CYFIP2: variants seen among roughly 807,000 people sequenced by gnomAD.
CYFIP2 encodes the protein cytoplasmic FMR1-interacting protein 2.
CYFIP2 carries 29 observed loss-of-function variants against 158.7 expected under a neutral mutation model. The observed-to-expected ratio is 0.18, with a 90% confidence interval of 0.14 to 0.25. The LOEUF is 0.25. Among genes scored for constraint, CYFIP2 ranks in the 10% least tolerant of loss-of-function variants. The pLI is 1.00. For synonymous variants in CYFIP2, 585 were observed against 617.6 expected, an observed-to-expected ratio of 0.95 and a Z score of 0.78; for missense variants, 852 against 1,639.5, an observed-to-expected ratio of 0.52 and a Z score of 8.29.
Position 157,394,239 on chromosome 5 carries a change from C to T in CYFIP2, c.*1239C>T, listed in dbSNP as rs1188016526. 5.3e-5 allele frequency: 8 copies of T among 152,158 alleles called. No homozygotes were observed. Among genetic ancestry groups the T allele is most frequent in the African/African-American group, 1.7e-4 (7 of 41,430 alleles). The allele number at this position is 152,158 out of a possible 1,614,324, so 9.4% of individuals were successfully genotyped here. Reference sequence around the variant, plus strand: ...CAAAAGTCTTCTGCAGAATCTCCCACCGAGTGTGGTAAGAAGGAAGGACAA... The same window carrying T: ...CAAAAGTCTTCTGCAGAATCTCCCATCGAGTGTGGTAAGAAGGAAGGACAA... On this transcript the variant is annotated 3_prime_UTR_variant, in exon 31 of 31. Coordinates refer to ENST00000620254, the MANE Select transcript of CYFIP2 (RefSeq NM_001037333.3).
chr5:157,276,367 C>T (rs558312041), intron 1 of CYFIP2, among the ~76,000 whole-genome samples: 1 of 152,162 alleles, frequency 6.6e-6, no homozygotes, highest in South Asian at 2.1e-4. Context: ...AATGCTTTTT[C>T]TGTGTGTATT....
At chr5:157,379,743 A>AG (rs1024621642) in intron 26 of CYFIP2, among the ~76,000 whole-genome samples, 3 of 150,158 alleles carry the variant, frequency 2.0e-5, no homozygotes, top group Non-Finnish European at 4.4e-5. Context: ...CAAATATTTA[A>AG]GGAGGAAATA....
chr5:157,296,635 G>T, intron 4 of CYFIP2, 38 bp from the exon 5 acceptor site: 3 of 1,580,752 alleles, frequency 1.9e-6, no homozygotes, highest in Non-Finnish European at 2.6e-6. Context: ...GACAACAGGT[G>T]TAAACCAGGA....
Position 157,360,412 on chromosome 5 carries a change from G to A in CYFIP2, c.2908+40G>A, listed in dbSNP as rs775620854. 6.4e-6 allele frequency: 10 copies of A among 1,563,448 alleles called. No individual in the cohort carries two copies. The East Asian group carries it at 6.7e-5, about 11-fold the overall frequency. ...AACAATCCAGACCCCTCCCATGGTG[G>A]GGAGGGAGGCTCTGACCATCCACCT... On this transcript the variant is annotated intron_variant, in intron 25 of 30. Transcript: ENST00000620254.
Position 157,389,326 on chromosome 5 carries a change from T to C in CYFIP2, c.3345T>C (p.Asn1115=). The C allele has an allele frequency of 6.2e-7, 1 of 1,613,990 alleles. No homozygotes were observed. Among genetic ancestry groups the C allele is most frequent in the Non-Finnish European group, 8.5e-7 (1 of 1,179,872 alleles). The change falls in exon 29 of 31, where the codon AAT becomes AAC. Residue 1115 remains asparagine, a synonymous_variant. Transcript: ENST00000620254. ...DPIWRGPPPT[N]GVMHVDECVE... Reference sequence around the variant, plus strand: ...TCTGGCGGGGCCCACCGCCCACCAATGGCGTCATGCACGTCGATGAGTGTG... The same window carrying C: ...TCTGGCGGGGCCCACCGCCCACCAACGGCGTCATGCACGTCGATGAGTGTG...
chr5:157,332,795 C>T (rs13181206), intron 20 of CYFIP2, among the ~76,000 whole-genome samples: 34,428 of 152,080 alleles, frequency 0.23, 4,350 homozygotes, highest in African/African-American at 0.33. Context: ...CAGGCGTACA[C>T]CACCACACCT....
intron 23 of CYFIP2, among the ~76,000 whole-genome samples, chr5:157,349,637 G>T (rs1165305456): frequency 6.6e-6 from 1 of 152,178 alleles, no homozygotes; most frequent in Non-Finnish European, 1.5e-5. Context: ...ACCCAGTAGT[G>T]GGATTGCTGG....
chr5:157,296,573 A>G, intron 4 of CYFIP2, 100 bp from the exon 5 acceptor site: 1 of 1,111,880 alleles, frequency 9.0e-7, no homozygotes, highest in Non-Finnish European at 1.3e-6. Context: ...TAGCCTGGAC[A>G]ACAGAGCAAG....
intron 26 of CYFIP2, among the ~76,000 whole-genome samples, chr5:157,380,301 G>C (rs1305057295): frequency 6.6e-6 from 1 of 152,218 alleles, no homozygotes; most frequent in African/African-American, 2.4e-5. Flanking sequence ...TCCTGCAAAG[G>C]CAGACTGGTC....
intron 7 of CYFIP2, 56 bp from the exon 8 acceptor site, chr5:157,304,182 A>G: frequency 6.4e-7 from 1 of 1,567,136 alleles, no homozygotes; most frequent in Non-Finnish European, 8.7e-7. Context: ...GCAGGGGTGC[A>G]GGTGAGGGCA....
In CYFIP2 at chr5:157,393,785, G is replaced by A. The variant is rs1017701675; in HGVS notation, c.*785G>A. On this transcript the variant is annotated 3_prime_UTR_variant, in exon 31 of 31. Coordinates refer to ENST00000620254, the MANE Select transcript of CYFIP2 (RefSeq NM_001037333.3). Reference sequence around the variant, plus strand: ...TGGTTCCCTTATTCCTTCAGGAAAGGCTTAGCATTGGGCCACATAGGGGAA... The same window carrying A: ...TGGTTCCCTTATTCCTTCAGGAAAGACTTAGCATTGGGCCACATAGGGGAA... The A allele has an allele frequency of 7.2e-5, 11 of 152,202 alleles. No individual in the cohort carries two copies. Among genetic ancestry groups the A allele is most frequent in the Non-Finnish European group, 1.5e-4 (10 of 68,082 alleles). The allele number at this position is 152,202 out of a possible 1,614,324, so 9.4% of individuals were successfully genotyped here.
At chr5:157,336,529 G>A (rs1761868816) in intron 21 of CYFIP2, among the ~76,000 whole-genome samples, 1 of 152,182 alleles carries the variant, frequency 6.6e-6, no homozygotes, top group Non-Finnish European at 1.5e-5. Context: ...TTATGTGTGT[G>A]ACCTACGAGG....
chr5:157,353,344 C>T (rs973115261), intron 23 of CYFIP2, among the ~76,000 whole-genome samples: 1 of 152,128 alleles, frequency 6.6e-6, no homozygotes, highest in Non-Finnish European at 1.5e-5. Context: ...AGGCTCGGCT[C>T]CTGTTCCCCT....
intron 29 of CYFIP2, 112 bp from the exon 30 acceptor site, chr5:157,390,409 C>T (rs1332897785): frequency 1.9e-6 from 2 of 1,058,550 alleles, no homozygotes; most frequent in South Asian, 1.7e-5. Flanking sequence ...GAGACTTGGC[C>T]CAAAGACAGG....
intron 6 of CYFIP2, 61 bp from the exon 7 acceptor site, chr5:157,302,733 C>A: frequency 7.2e-7 from 1 of 1,381,654 alleles, no homozygotes; most frequent in Non-Finnish European, 9.9e-7. Context: ...GCCCGTGAGG[C>A]ATGGTTTAGG....
At position 157,285,355 on chromosome 5, in the gene CYFIP2, T is replaced by C; in HGVS notation, c.-7T>C. 1.3e-6 allele frequency: 2 copies of C among 1,558,768 alleles called. No homozygotes were observed. The highest frequency in any genetic ancestry group is 2.4e-5 in the East Asian group (1 of 41,556). The stretch of plus-strand genomic sequence containing the variant: ...TCCCTTCAGTGCAGAATACAGAAAC[T>C]GCAGCCATGACCACGCACGTCACCC... On this transcript the variant is annotated 5_prime_UTR_variant, in exon 2 of 31. Transcript: ENST00000620254.
At chr5:157,383,175 A>AT in intron 27 of CYFIP2, 90 bp from the exon 28 acceptor site, 1 of 1,113,620 alleles carries the variant, frequency 9.0e-7, no homozygotes, top group South Asian at 1.3e-5. Flanking sequence ...TGGAATGCAG[A>AT]TACATCATCA....
chr5:157,285,158 AGAGATCCT>A (rs1270859986), intron 1 of CYFIP2, among the ~76,000 whole-genome samples, 173 bp from the exon 2 acceptor site: 1 of 152,224 alleles, frequency 6.6e-6, no homozygotes, highest in Non-Finnish European at 1.5e-5. Context: ...TTAGCCATAA[AGAGATCCT>A]GAGATGTAAA....
chr5:157,345,302 A>G (rs1038466429), intron 23 of CYFIP2: 22 of 152,480 alleles, frequency 1.4e-4, no homozygotes, highest in African/African-American at 5.1e-4. Flanking sequence ...CCTATCTGCC[A>G]CTAGCTGTCT....
Sources: allele counts gnomAD v4.1 joint callset (sites outside exome capture counted in the v4.1 genomes callset), GRCh38; gene constraint gnomAD v4.1.1; transcripts MANE v1.5; gene names NCBI Gene and HGNC (gene_info 2026-07-23, HGNC 2026-07-21).